ZNF763: variants seen among roughly 807,000 people sequenced by gnomAD.
ZNF763 encodes the protein zinc finger protein 763.
In ZNF763, 33 loss-of-function variants were observed where a neutral mutation model predicts 38.0. The observed-to-expected ratio is 0.87, with a 90% confidence interval of 0.66 to 1.16. The LOEUF (loss-of-function observed/expected upper bound fraction) is 1.16, where lower values mean the gene tolerates loss of function less well. Among genes scored for constraint, ZNF763 ranks in the 50% most tolerant of loss-of-function variants. The pLI is 0.00. For synonymous variants in ZNF763, 155 were observed against 160.1 expected, an observed-to-expected ratio of 0.97 and a Z score of 0.24; for missense variants, 423 against 469.1, an observed-to-expected ratio of 0.90 and a Z score of 0.91.
rs1208013489 is a variant in ZNF763, at chr19:11,979,941, TTCAA to T, written c.*833_*836del. The T allele has an allele frequency of 7.6e-7, 1 of 1,310,170 alleles. No homozygotes were observed. Among genetic ancestry groups the T allele is most frequent in the African/African-American group, 1.5e-5 (1 of 67,954 alleles). 81.2% of individuals were successfully genotyped at this position (1,310,170 alleles called of 1,614,324 possible). On this transcript the variant is annotated 3_prime_UTR_variant, in exon 4 of 4. Coordinates refer to ENST00000358987, the MANE Select transcript of ZNF763 (RefSeq NM_001367172.2). ...AAAGGCTTTTATTCTGCCAAGTCATTTCAAATACCTGAAAAATCTTACACTGGAG... is the reference window on the plus strand; with the variant it reads ...AAAGGCTTTTATTCTGCCAAGTCATTATACCTGAAAAATCTTACACTGGAG...
rs1430606339 is a variant in ZNF763, at chr19:11,980,108, C to T, written c.*999C>T. The T allele has an allele frequency of 3.3e-6, 3 of 922,230 alleles. No homozygotes were observed. Among genetic ancestry groups the T allele is most frequent in the Non-Finnish European group, 1.7e-6 (1 of 599,350 alleles). The allele number at this position is 922,230 out of a possible 1,614,324, so 57.1% of individuals were successfully genotyped here. ...AAAAACCTTCAGATCTACCTCACAC[C>T]TTCGAAAACATGGTAGGACTCACAC... On this transcript the variant is annotated 3_prime_UTR_variant, in exon 4 of 4. Coordinates refer to ENST00000358987, the MANE Select transcript of ZNF763 (RefSeq NM_001367172.2).
At chr19:11,977,737 T>TCC (rs1973526715) in intron 3 of ZNF763, among the ~76,000 whole-genome samples, 1 of 152,136 alleles carries the variant, frequency 6.6e-6, no homozygotes, top group African/African-American at 2.4e-5. Context: ...TGCATCGTAG[T>TCC]CCTAGCTACT....
chr19:11,974,984 A>C (rs554336285), intron 1 of ZNF763, among the ~76,000 whole-genome samples: 8 of 152,190 alleles, frequency 5.3e-5, no homozygotes, highest in African/African-American at 1.4e-4. Context: ...TGTACAGTTG[A>C]GATAGTTGGA....
At chr19:11,977,574 T>G (rs1336324736) in intron 3 of ZNF763, 143 bp downstream of exon 3, 2 of 1,108,132 alleles carry the variant, frequency 1.8e-6, no homozygotes, top group Non-Finnish European at 2.5e-6. Context: ...TATATTTACA[T>G]GTGACTAAGT....
At position 11,979,483 on chromosome 19, in the gene ZNF763, C is replaced by T. The variant is rs1430946242; in HGVS notation, c.*374C>T. On this transcript the variant is annotated 3_prime_UTR_variant, in exon 4 of 4. Coordinates refer to ENST00000358987, the MANE Select transcript of ZNF763 (RefSeq NM_001367172.2). Reference sequence around the variant, plus strand: ...ATAAATGTAAGACATGTGGGAAAGGCTTTTATTCTCCCACGTCATTTCAAA... The same window carrying T: ...ATAAATGTAAGACATGTGGGAAAGGTTTTTATTCTCCCACGTCATTTCAAA... The T allele has an allele frequency of 1.2e-5, 19 of 1,602,360 alleles. No homozygotes were observed. The highest frequency in any genetic ancestry group is 2.2e-5 in the South Asian group (2 of 90,730).
chr19:11,977,465 A>G, intron 3 of ZNF763, 34 bp downstream of exon 3: 1 of 1,606,036 alleles, frequency 6.2e-7, no homozygotes, highest in Non-Finnish European at 8.5e-7. Flanking sequence ...CAGTGTCTCT[A>G]GATGATTTTA....
chr19:11,977,005 C>G, intron 1 of ZNF763, 33 bp from the exon 2 acceptor site: 1 of 1,612,982 alleles, frequency 6.2e-7, no homozygotes, highest in Non-Finnish European at 8.5e-7. Flanking sequence ...GTCACTCTCA[C>G]CCAGCCTCCT....
At chr19:11,965,975 G>A (rs1237482320) in intron 1 of ZNF763, among the ~76,000 whole-genome samples, 10 of 152,152 alleles carry the variant, frequency 6.6e-5, no homozygotes, top group African/African-American at 2.4e-4. Flanking sequence ...AGTTGATTGA[G>A]AGTGTGAAGT....
intron 1 of ZNF763, among the ~76,000 whole-genome samples, chr19:11,968,973 G>A (rs1240844509): frequency 6.6e-6 from 1 of 152,202 alleles, no homozygotes; most frequent in East Asian, 1.9e-4. Flanking sequence ...AGGCAAATCT[G>A]TAATCAGGGA....
intron 1 of ZNF763, among the ~76,000 whole-genome samples, chr19:11,976,668 A>G (rs566316714): frequency 6.6e-6 from 1 of 151,974 alleles, no homozygotes; most frequent in Non-Finnish European, 1.5e-5. Flanking sequence ...GGAGGTCAAG[A>G]CCAGCCTGAC....
chr19:11,976,112 C>T (rs1973483413), intron 1 of ZNF763, among the ~76,000 whole-genome samples: 1 of 148,202 alleles, frequency 6.7e-6, no homozygotes, highest in Admixed American at 6.8e-5. Context: ...CAGGGACTCT[C>T]TCTCCTGCTC....
At chr19:11,975,771 T>G (rs1308622167) in intron 1 of ZNF763, among the ~76,000 whole-genome samples, 1 of 152,168 alleles carries the variant, frequency 6.6e-6, no homozygotes, top group Non-Finnish European at 1.5e-5. Flanking sequence ...CATCAGTGGA[T>G]ATGTGGGTGG....
Position 11,979,555 on chromosome 19 carries a change from A to T in ZNF763, c.*446A>T. 6.2e-7 allele frequency: 1 copy of T among 1,603,874 alleles called. No individual in the cohort carries two copies. The highest frequency in any genetic ancestry group is 1.1e-5 in the South Asian group (1 of 90,848). On this transcript the variant is annotated 3_prime_UTR_variant, in exon 4 of 4. Transcript: ENST00000358987. ...CAGAGAAACCCTATGAATGCAAGCA[A>T]TGTGGTAAAGCCTTCAGTAGTTCCA... is the stretch of plus-strand genomic sequence containing the variant.
chr19:11,976,555 C>CAAAAAAAA (rs1197877281), intron 1 of ZNF763, among the ~76,000 whole-genome samples: 1 of 73,814 alleles, frequency 1.4e-5, no homozygotes, highest in African/African-American at 4.9e-5. Flanking sequence ...GACTCTGTCT[C>CAAAAAAAA]AAAAAAAAAA....
intron 1 of ZNF763, among the ~76,000 whole-genome samples, chr19:11,966,420 C>T (rs916749419): frequency 2.6e-5 from 4 of 152,204 alleles, no homozygotes; most frequent in African/African-American, 7.2e-5. Context: ...GTCGCCCAGG[C>T]TGGAGTGCAA....
At chr19:11,975,641 CAA>C (rs1973473277) in intron 1 of ZNF763, among the ~76,000 whole-genome samples, 1 of 148,262 alleles carries the variant, frequency 6.7e-6, no homozygotes, top group Non-Finnish European at 1.5e-5. Flanking sequence ...CTCGGCCTAC[CAA>C]AGTGTTGGGA....
intron 1 of ZNF763, among the ~76,000 whole-genome samples, chr19:11,969,265 C>G (rs111914967): frequency 6.6e-6 from 1 of 152,106 alleles, no homozygotes; most frequent in African/African-American, 2.4e-5. Flanking sequence ...CCACCACACT[C>G]GGCTAATTTT....
Position 11,967,145 on chromosome 19 carries a change from G to C in ZNF763, c.3+1934G>C, listed in dbSNP as rs577083629. ...AGGTCAAGAGTTCGAGACCACCCTG[G>C]GCAACATAGCGAAACCTCTTCTCTT... On this transcript the variant is annotated intron_variant, in intron 1 of 3. Transcript: ENST00000358987. Among the ~76,000 whole-genome samples the C allele has an allele frequency of 1.7e-3, 254 of 152,200 alleles. 2 individuals are homozygous for C. The highest frequency in any genetic ancestry group is 5.8e-3 in the African/African-American group (239 of 41,530).
rs1973578090 is a variant in ZNF763 at position 11,979,610 on chromosome 19, A to G, written c.*501A>G. On this transcript the variant is annotated 3_prime_UTR_variant, in exon 4 of 4. Coordinates refer to ENST00000358987, the MANE Select transcript of ZNF763 (RefSeq NM_001367172.2). ...CTTTTGGTACCATGAAAGGACTCAC[A>G]CTGGAGAGAAACCCTATGAGTGTAA... The G allele has an allele frequency of 1.9e-6, 3 of 1,605,554 alleles. No individual in the cohort carries two copies. The highest frequency in any genetic ancestry group is 8.5e-7 in the Non-Finnish European group (1 of 1,173,870).
Sources: gnomAD v4.1 joint callset for allele counts (sites outside exome capture counted in the v4.1 genomes callset) on GRCh38, gnomAD v4.1.1 for gene constraint, MANE v1.5 for transcripts, NCBI Gene and HGNC (gene_info 2026-07-23, HGNC 2026-07-21) for gene names.